Variants in SNTG1 observed in about 807,000 individuals in gnomAD.
SNTG1 encodes gamma-1-syntrophin.
Under a neutral mutation model 74.7 loss-of-function variants are expected in SNTG1, and 39 were observed. The observed-to-expected ratio is 0.52, with a 90% CI of 0.40 to 0.68. SNTG1 has a LOEUF of 0.68. SNTG1 is among the 30% of genes least tolerant of loss of function. The probability of loss-of-function intolerance (pLI) is 0.00; values close to 1 mark genes in which losing one functional copy is unlikely to be tolerated. For missense variants in SNTG1, 685 were observed against 609.5 expected (o/e 1.12, Z -1.30); for synonymous variants, 254 against 217.1 (o/e 1.17, Z -1.49).
At chr8:50,268,960 C>T (rs1314220049) in intron 2 of SNTG1, among the ~76,000 whole-genome samples, 1 of 152,072 alleles carries the variant, frequency 6.6e-6, no homozygotes, top group African/African-American at 2.4e-5. Flanking sequence ...CACCCAGCCT[C>T]AACCAGTTTT....
intron 2 of SNTG1, among the ~76,000 whole-genome samples, chr8:50,186,622 C>T (rs537560654): frequency 6.6e-6 from 1 of 152,190 alleles, no homozygotes; most frequent in South Asian, 2.1e-4. Context: ...CTCTAATGAT[C>T]AGTGATAATG....
intron 1 of SNTG1, among the ~76,000 whole-genome samples, chr8:50,155,746 T>G (rs1001049850): frequency 1.3e-5 from 2 of 151,904 alleles, no homozygotes; most frequent in Admixed American, 6.6e-5. Context: ...TTTCACTCTA[T>G]AGGGCCATCT....
intron 4 of SNTG1, among the ~76,000 whole-genome samples, chr8:50,430,683 T>G (rs73581367): frequency 0.028 from 4,249 of 152,238 alleles, 190 homozygotes; most frequent in African/African-American, 0.096. Context: ...GCAAGGCAAG[T>G]AGATCTCTGC....
At chr8:50,092,749 G>A (rs537454392) in intron 1 of SNTG1, among the ~76,000 whole-genome samples, 1 of 152,122 alleles carries the variant, frequency 6.6e-6, no homozygotes, top group South Asian at 2.1e-4. Flanking sequence ...CTTCTCAGGA[G>A]ACTATGACTA....
intron 15 of SNTG1, among the ~76,000 whole-genome samples, chr8:50,681,391 A>T (rs2095330329): frequency 6.6e-6 from 1 of 152,168 alleles, no homozygotes; most frequent in African/African-American, 2.4e-5. Flanking sequence ...CACCATGCTC[A>T]ATCATTTTCA....
At chr8:50,150,329 T>C (rs1225319925) in intron 1 of SNTG1, among the ~76,000 whole-genome samples, 3 of 152,238 alleles carry the variant, frequency 2.0e-5, no homozygotes, top group Non-Finnish European at 4.4e-5. Flanking sequence ...TACAATCATG[T>C]CATCTGCAAA....
At chr8:50,062,866 C>G (rs1341124081) in intron 1 of SNTG1, among the ~76,000 whole-genome samples, 2 of 152,004 alleles carry the variant, frequency 1.3e-5, no homozygotes, top group East Asian at 1.9e-4. Context: ...CATATTTACC[C>G]AAAATTTTAT....
intron 12 of SNTG1, among the ~76,000 whole-genome samples, chr8:50,583,917 C>A (rs908241286): frequency 6.6e-6 from 1 of 151,978 alleles, no homozygotes; most frequent in Admixed American, 6.6e-5. Context: ...TGCTATCCCT[C>A]CCCGCTCCCT....
chr8:50,411,230 C>T (rs185574645), intron 4 of SNTG1, among the ~76,000 whole-genome samples: 130 of 152,038 alleles, frequency 8.6e-4, no homozygotes, highest in African/African-American at 3.1e-3. Context: ...GGCCAAATCA[C>T]GAGGTCAGGA....
At chr8:50,450,865 T>A in intron 8 of SNTG1, 136 bp downstream of exon 8, 1 of 842,298 alleles carries the variant, frequency 1.2e-6, no homozygotes, top group Non-Finnish European at 1.8e-6. Flanking sequence ...TCAAATGTTC[T>A]CTTAATTTTT....
chr8:50,006,346 A>C (rs1162752914), intron 1 of SNTG1, among the ~76,000 whole-genome samples: 1 of 152,148 alleles, frequency 6.6e-6, no homozygotes, highest in African/African-American at 2.4e-5. Context: ...ATTGCTGTTG[A>C]AACTTTTTTT....
At chr8:50,375,871 C>A (rs1410626184) in intron 2 of SNTG1, among the ~76,000 whole-genome samples, 1 of 152,064 alleles carries the variant, frequency 6.6e-6, no homozygotes, top group Non-Finnish European at 1.5e-5. Context: ...CTTTGAGCTC[C>A]AGGTTATATA....
intron 17 of SNTG1, among the ~76,000 whole-genome samples, chr8:50,734,407 AAATT>A (rs562636842): frequency 1.8e-4 from 28 of 151,800 alleles, no homozygotes; most frequent in African/African-American, 5.8e-4. Flanking sequence ...TTGAATAAAT[AAATT>A]TTTTAAATGA....
At chr8:50,544,061 T>G (rs1213611852) in intron 11 of SNTG1, among the ~76,000 whole-genome samples, 1 of 152,154 alleles carries the variant, frequency 6.6e-6, no homozygotes, top group Non-Finnish European at 1.5e-5. Flanking sequence ...ATATCTCAAA[T>G]TCCTTTTTCT....
At chr8:50,311,098 C>T (rs1390028801) in intron 2 of SNTG1, among the ~76,000 whole-genome samples, 1 of 152,192 alleles carries the variant, frequency 6.6e-6, no homozygotes, top group African/African-American at 2.4e-5. Context: ...ATGAGCCTTC[C>T]TATCAACTTA....
At chr8:49,990,681 A>G (rs796816607) in intron 1 of SNTG1, among the ~76,000 whole-genome samples, 11 of 152,238 alleles carry the variant, frequency 7.2e-5, no homozygotes, top group African/African-American at 2.6e-4. Flanking sequence ...TCTATTTTCA[A>G]TTTGTGCACA....
chr8:50,596,612 T>A (rs953769292), intron 13 of SNTG1, among the ~76,000 whole-genome samples: 2 of 152,066 alleles, frequency 1.3e-5, no homozygotes, highest in Admixed American at 6.6e-5. Context: ...GGCCTATTTC[T>A]GGACTCCAAA....
At chr8:50,723,933 A>T (rs2095493755) in intron 17 of SNTG1, among the ~76,000 whole-genome samples, 1 of 152,182 alleles carries the variant, frequency 6.6e-6, no homozygotes, top group Non-Finnish European at 1.5e-5. Context: ...AGGAGTAAAA[A>T]GGTTTCAAAG....
chr8:50,666,885 C>G (rs561769790), intron 15 of SNTG1, among the ~76,000 whole-genome samples: 100 of 151,892 alleles, frequency 6.6e-4, no homozygotes, highest in Non-Finnish European at 1.2e-3. Flanking sequence ...ATTTATAACC[C>G]TTATATTTTG....
Sources: gnomAD v4.1 joint callset for allele counts (sites outside exome capture counted in the v4.1 genomes callset) on GRCh38, gnomAD v4.1.1 for gene constraint, MANE v1.5 for transcripts, NCBI Gene and HGNC (gene_info 2026-07-23, HGNC 2026-07-21) for gene names.